The following PLEKHG3 variants were observed in gnomAD, a reference collection of about 807,000 sequenced individuals.
PLEKHG3 encodes pleckstrin homology domain-containing family G member 3.
In PLEKHG3, 62 loss-of-function variants were observed where a neutral mutation model predicts 94.9. The ratio of observed to expected loss-of-function variants is 0.65; its 90% CI spans 0.53 to 0.81. PLEKHG3 has a LOEUF of 0.81. PLEKHG3 is among the 30% of genes least tolerant of loss of function. The pLI, the probability that PLEKHG3 is intolerant of heterozygous loss-of-function variation, is 0.00. For synonymous variants in PLEKHG3, 614 were observed against 654.0 expected (o/e 0.94, Z 0.93); for missense variants, 1,461 against 1,619.3 (o/e 0.90, Z 1.68).
rs148393190 is a variant in PLEKHG3 at position 64,721,608 on chromosome 14, C to T, written c.-39-5985C>T. ...AGAAACCTTGGTCACACTGTTGGCA[C>T]AGCCTCTGCAGGCAGTCACGTTGCT... On this transcript the variant is annotated intron_variant, in intron 1 of 16. Coordinates refer to ENST00000247226, the MANE Select transcript of PLEKHG3 (RefSeq NM_001308147.2). The surrounding 1 kb of genome is among the most constrained non-coding windows in gnomAD (Gnocchi z 4.3). 4.1e-3 allele frequency among the ~76,000 whole-genome samples: 620 copies of T among 152,312 alleles called. 5 individuals are homozygous for T. Among genetic ancestry groups the T allele is most frequent in the African/African-American group, 0.014 (597 of 41,552 alleles).
chr14:64,734,741 C>T (rs1258758068), intron 12 of PLEKHG3, among the ~76,000 whole-genome samples: 1 of 134,126 alleles, frequency 7.5e-6, no homozygotes, highest in African/African-American at 2.7e-5. Flanking sequence ...TTCCTTCCTT[C>T]CTTCCTTCCT....
chr14:64,712,971 A>G (rs1424681682), intron 1 of PLEKHG3, among the ~76,000 whole-genome samples: 1 of 152,188 alleles, frequency 6.6e-6, no homozygotes, highest in Non-Finnish European at 1.5e-5. Context: ...GGTTGGGGAT[A>G]TTCTCTTCTC....
At chr14:64,735,888 A>G (rs965907338) in intron 12 of PLEKHG3, among the ~76,000 whole-genome samples, 1 of 152,282 alleles carries the variant, frequency 6.6e-6, no homozygotes, top group Non-Finnish European at 1.5e-5. Flanking sequence ...AATATTCTTG[A>G]TAAGTTTTAA....
rs2081742155 is a variant in PLEKHG3, at chr14:64,743,017, G to A, written c.2974G>A (p.Glu992Lys). 3 of 1,613,180 alleles carry A rather than the reference G, an allele frequency of 1.9e-6. No homozygotes were observed. Among genetic ancestry groups the A allele is most frequent in the Non-Finnish European group, 2.5e-6 (3 of 1,179,742 alleles). Residue 992 changes from glutamate (E) to lysine (K), a missense_variant, in exon 17 of 17, where the codon GAG becomes AAG. By Grantham distance (56) the Glu-to-Lys change is moderately conservative (BLOSUM62 1). Transcript: ENST00000247226. The surrounding 1 kb of genome is among the most constrained non-coding windows in gnomAD (Gnocchi z 7.2). ...RKPVLSLFDY[E>K]QLMAQEHSPP... ...GCCGGTGCTGTCTCTATTTGACTAT[G>A]AGCAGCTGATGGCCCAGGAGCACAG...
At position 64,728,084 on chromosome 14, in the gene PLEKHG3, ACTGG is replaced by A; in HGVS notation, c.351+103_351+106del. On this transcript the variant is annotated intron_variant, in intron 2 of 16. Transcript: ENST00000247226. This position sits in a 1 kb window ranked among gnomAD's most constrained non-coding sequence, Gnocchi z 5.9. Reference sequence around the variant, plus strand: ...CTGCTTCCCATAAAGTAGTTGGAGAACTGGGGTCTCCCACCCTCGCTGACTGCAC... The same window carrying A: ...CTGCTTCCCATAAAGTAGTTGGAGAAGGTCTCCCACCCTCGCTGACTGCAC... The A allele has an allele frequency of 6.6e-6, 5 of 754,796 alleles. No individual in the cohort carries two copies. The highest frequency in any genetic ancestry group is 1.0e-5 in the Non-Finnish European group (5 of 481,860). 46.8% of individuals were successfully genotyped at this position (754,796 alleles called of 1,614,324 possible).
rs1467821599 is a variant in PLEKHG3, at chr14:64,726,937, C to CT, written c.-39-653dup. 3.9e-5 allele frequency among the ~76,000 whole-genome samples: 6 copies of CT among 152,326 alleles called. No individual in the cohort carries two copies. The East Asian group carries it at 1.2e-3, about 29-fold the overall frequency. ...TGTCTTAACATTGTAAGAACCAGATCTTTGCCCATCCCTGTACAGTGACCC... is the reference window on the plus strand; with the variant it reads ...TGTCTTAACATTGTAAGAACCAGATCTTTTGCCCATCCCTGTACAGTGACCC... On this transcript the variant is annotated intron_variant, in intron 1 of 16. Coordinates refer to ENST00000247226, the MANE Select transcript of PLEKHG3 (RefSeq NM_001308147.2). The surrounding 1 kb of genome is among the most constrained non-coding windows in gnomAD (Gnocchi z 5.1).
chr14:64,749,368 C>A lies in PLEKHG3; in HGVS notation c.*5665C>A, dbSNP rs570395215. ...TTGTCTTTCTTGCCGAGGCTGGCGT[C>A]GGGGCCGGAGAGGGAAGGCAGGGGC... On this transcript the variant is annotated 3_prime_UTR_variant, in exon 17 of 17. Transcript: ENST00000247226. This position sits in a 1 kb window ranked among gnomAD's most constrained non-coding sequence, Gnocchi z 4.7. 2 of 1,610,344 alleles carry A rather than the reference C, an allele frequency of 1.2e-6. No individual in the cohort carries two copies. The highest frequency in any genetic ancestry group is 1.7e-6 in the Non-Finnish European group (2 of 1,179,712).
Position 64,720,250 on chromosome 14 carries a change from C to T in PLEKHG3, c.-39-7343C>T, listed in dbSNP as rs750298924. Among the ~76,000 whole-genome samples the T allele has an allele frequency of 2.8e-4, 42 of 152,190 alleles. No individual in the cohort carries two copies. Among genetic ancestry groups the T allele is most frequent in the African/African-American group, 8.2e-4 (34 of 41,440 alleles). ...GCTGGTCACCTAGTATGTAGCCCAG[C>T]GGGGCAGCTATGCCGTGCTCTAGCT... On this transcript the variant is annotated intron_variant, in intron 1 of 16. Transcript: ENST00000247226. This position sits in a 1 kb window ranked among gnomAD's most constrained non-coding sequence, Gnocchi z 4.1.
intron 1 of PLEKHG3, among the ~76,000 whole-genome samples, chr14:64,724,539 G>C (rs2081319458): frequency 6.6e-6 from 1 of 152,096 alleles, no homozygotes; most frequent in East Asian, 1.9e-4. Flanking sequence ...GTGATCCTTT[G>C]ACCGGGAATC....
intron 1 of PLEKHG3, among the ~76,000 whole-genome samples, chr14:64,724,875 C>A (rs913865690): frequency 6.6e-6 from 1 of 152,152 alleles, no homozygotes; most frequent in Non-Finnish European, 1.5e-5. Context: ...GCCTCAGTAC[C>A]TGCATGTATA....
rs761743553 is a variant in PLEKHG3 at position 64,750,066 on chromosome 14, G to A, written c.*6363G>A. On this transcript the variant is annotated 3_prime_UTR_variant, in exon 17 of 17. Coordinates refer to ENST00000247226, the MANE Select transcript of PLEKHG3 (RefSeq NM_001308147.2). ...CTCAGGGCCAGGGGTTCCTCCCCAT[G>A]GTAGGGCATCCCCAGGGCCAGGTTC... 2 of 1,614,040 alleles carry A rather than the reference G, an allele frequency of 1.2e-6. No individual in the cohort carries two copies. Among genetic ancestry groups the A allele is most frequent in the Non-Finnish European group, 1.7e-6 (2 of 1,180,030 alleles).
chr14:64,741,254 GGAA>G lies in PLEKHG3; in HGVS notation c.1744_1746del (p.Glu582del), dbSNP rs1443793802. 1.2e-6 allele frequency: 2 copies of G among 1,613,944 alleles called. No individual in the cohort carries two copies. The highest frequency in any genetic ancestry group is 4.5e-5 in the East Asian group (2 of 44,896). Reference sequence around the variant, plus strand: ...ACCTTAAGGCCCTGAGCAGCGAGGAGGAAGAAGAAATGGGAGGTGCCGCCCAGG... The same window carrying G: ...ACCTTAAGGCCCTGAGCAGCGAGGAGGAAGAAATGGGAGGTGCCGCCCAGG... On this transcript the variant is annotated inframe_deletion, in exon 16 of 17. Coordinates refer to ENST00000247226, the MANE Select transcript of PLEKHG3 (RefSeq NM_001308147.2).
In PLEKHG3 at chr14:64,725,296, C is replaced by G. The variant is rs1450249405; in HGVS notation, c.-39-2297C>G. Among the ~76,000 whole-genome samples, 1 of 151,962 alleles carries G rather than the reference C, an allele frequency of 6.6e-6. No individual in the cohort carries two copies. Among genetic ancestry groups the G allele is most frequent in the Non-Finnish European group, 1.5e-5 (1 of 67,980 alleles). On this transcript the variant is annotated intron_variant, in intron 1 of 16. Coordinates refer to ENST00000247226, the MANE Select transcript of PLEKHG3 (RefSeq NM_001308147.2). The surrounding 1 kb of genome is among the most constrained non-coding windows in gnomAD (Gnocchi z 5.0). ...GTGGGGCCGTTTCCATTTAGCTTCC[C>G]CAGAGAAGCTGACTGACCCCAGATG...
Position 64,721,384 on chromosome 14 carries a change from A to C in PLEKHG3, c.-39-6209A>C, listed in dbSNP as rs542639097. ...AGGCCGAGGGAACTTTCTGGACTTCAGTTGCAGGCCCAGGCTTTCTCCTGG... is the reference window on the plus strand; with the variant it reads ...AGGCCGAGGGAACTTTCTGGACTTCCGTTGCAGGCCCAGGCTTTCTCCTGG... On this transcript the variant is annotated intron_variant, in intron 1 of 16. Transcript: ENST00000247226. This position sits in a 1 kb window ranked among gnomAD's most constrained non-coding sequence, Gnocchi z 4.3. Among the ~76,000 whole-genome samples, 1 of 152,216 alleles carries C rather than the reference A, an allele frequency of 6.6e-6. No individual in the cohort carries two copies. Among genetic ancestry groups the C allele is most frequent in the East Asian group, 1.9e-4 (1 of 5,176 alleles).
rs1305614344 is a variant in PLEKHG3, at chr14:64,742,983, T to A, written c.2940T>A (p.Gly980=). ...EEAGEPLGGK[G]KRKPVLSLFD... is the part of the protein sequence containing the mutation. ...AGGCAGCTTGCTCTCTCCTCATAGG[T>A]AAGAGGAAGCCGGTGCTGTCTCTAT... is the stretch of plus-strand genomic sequence containing the variant. Residue 980 remains glycine, a splice_region_variant and synonymous_variant, in exon 17 of 17, where the codon GGT becomes GGA. Coordinates refer to ENST00000247226, the MANE Select transcript of PLEKHG3 (RefSeq NM_001308147.2). 1.2e-6 allele frequency: 2 copies of A among 1,613,274 alleles called. No homozygotes were observed. Among genetic ancestry groups the A allele is most frequent in the Non-Finnish European group, 1.7e-6 (2 of 1,179,900 alleles).
rs1296398445 is a variant in PLEKHG3, at chr14:64,731,417, G to A, written c.906G>A (p.Glu302=). 1 of 1,614,058 alleles carries A rather than the reference G, an allele frequency of 6.2e-7. No individual in the cohort carries two copies. The highest frequency in any genetic ancestry group is 2.2e-5 in the East Asian group (1 of 44,872). ...GGCCCGACCTGACCACCTACGGGGAGCTTGTCCTGGAGGGCACATTCCGCG... is the reference window on the plus strand; with the variant it reads ...GGCCCGACCTGACCACCTACGGGGAACTTGTCCTGGAGGGCACATTCCGCG... ...WKGPDLTTYG[E]LVLEGTFRVH... Residue 302 remains glutamate, a synonymous_variant, in exon 8 of 17, where the codon GAG becomes GAA. Transcript: ENST00000247226. This position sits in a 1 kb window ranked among gnomAD's most constrained non-coding sequence, Gnocchi z 6.1.
At position 64,732,346 on chromosome 14, in the gene PLEKHG3, G is replaced by T. The variant is rs1441297813; in HGVS notation, c.1213-81G>T. 4.3e-6 allele frequency: 6 copies of T among 1,385,142 alleles called. No homozygotes were observed. Among genetic ancestry groups the T allele is most frequent in the Non-Finnish European group, 6.2e-6 (6 of 972,070 alleles). The allele number at this position is 1,385,142 out of a possible 1,614,324, so 85.8% of individuals were successfully genotyped here. A position where few individuals can be genotyped will look rare whatever the true frequency, so the allele number is the denominator to read the frequency against. On this transcript the variant is annotated intron_variant, in intron 10 of 16. Coordinates refer to ENST00000247226, the MANE Select transcript of PLEKHG3 (RefSeq NM_001308147.2). This position sits in a 1 kb window ranked among gnomAD's most constrained non-coding sequence, Gnocchi z 4.9. ...TGGTGCAGCACTGTGGGGTGTCCTCGTACAGCAACAGTGGGTCCTATGGGC... is the reference window on the plus strand; with the variant it reads ...TGGTGCAGCACTGTGGGGTGTCCTCTTACAGCAACAGTGGGTCCTATGGGC...
Position 64,727,502 on chromosome 14 carries a change from C to T in PLEKHG3, c.-39-91C>T. The T allele has an allele frequency of 2.5e-6, 1 of 395,882 alleles. No individual in the cohort carries two copies. Among genetic ancestry groups the T allele is most frequent in the Non-Finnish European group, 4.9e-6 (1 of 202,950 alleles). The allele number at this position is 395,882 out of a possible 1,614,324, so 24.5% of individuals were successfully genotyped here. A position where few individuals can be genotyped will look rare whatever the true frequency, so the allele number is the denominator to read the frequency against. Reference sequence around the variant, plus strand: ...GGATGCACTAAATAATACCTTCCCACCCCACCTGCCCCCACCCCTGGCAAC... The same window carrying T: ...GGATGCACTAAATAATACCTTCCCATCCCACCTGCCCCCACCCCTGGCAAC... On this transcript the variant is annotated intron_variant, in intron 1 of 16. Transcript: ENST00000247226. This position sits in a 1 kb window ranked among gnomAD's most constrained non-coding sequence, Gnocchi z 6.0.
In PLEKHG3 at chr14:64,725,793, C is replaced by G. The variant is rs1038297185; in HGVS notation, c.-39-1800C>G. Among the ~76,000 whole-genome samples the G allele has an allele frequency of 2.6e-5, 4 of 152,174 alleles. No homozygotes were observed. The highest frequency in any genetic ancestry group is 2.6e-4 in the Admixed American group (4 of 15,280). Reference sequence around the variant, plus strand: ...AGACACAGTGACAAAGTGCTGTGCTCCAGAGCATCCCGGCCAGGTTAGCGG... The same window carrying G: ...AGACACAGTGACAAAGTGCTGTGCTGCAGAGCATCCCGGCCAGGTTAGCGG... On this transcript the variant is annotated intron_variant, in intron 1 of 16. Transcript: ENST00000247226. The surrounding 1 kb of genome is among the most constrained non-coding windows in gnomAD (Gnocchi z 5.0).
Sources: allele counts gnomAD v4.1 joint callset (sites outside exome capture counted in the v4.1 genomes callset), GRCh38; gene constraint gnomAD v4.1.1; non-coding constraint Gnocchi (gnomAD v3.1); transcripts MANE v1.5; gene names NCBI Gene and HGNC (gene_info 2026-07-23, HGNC 2026-07-21).